The following PGBD5 variants were observed in gnomAD, a reference collection of about 807,000 sequenced individuals.
PGBD5 encodes piggyBac transposable element derived 5, also known as piggyBac transposable element-derived protein 5.
A neutral mutation model predicts 47.9 loss-of-function variants in PGBD5; 14 were observed. The observed-to-expected ratio is 0.29, with a 90% CI of 0.19 to 0.46. PGBD5 has a LOEUF of 0.46. PGBD5 is among the 20% of genes least tolerant of loss of function. PGBD5 has a pLI of 1.00. For missense variants in PGBD5, 635 were observed against 716.0 expected, an observed-to-expected ratio of 0.89 and a Z score of 1.29; for synonymous variants, 316 against 306.3, an observed-to-expected ratio of 1.03 and a Z score of -0.33.
chr1:230,401,872 C>T (rs1036138654), intron 1 of PGBD5, among the ~76,000 whole-genome samples: 2 of 152,182 alleles, frequency 1.3e-5, no homozygotes, highest in Non-Finnish European at 1.5e-5. Flanking sequence ...GCAAACGGGG[C>T]TGACATCCAC....
chr1:230,330,066 G>A (rs183564227), intron 5 of PGBD5, among the ~76,000 whole-genome samples: 186 of 152,286 alleles, frequency 1.2e-3, no homozygotes, highest in Admixed American at 2.1e-3. Context: ...TTCCTTTCAA[G>A]TGAATGAGAA....
chr1:230,329,208 C>T (rs1465223535), intron 5 of PGBD5, among the ~76,000 whole-genome samples: 1 of 152,082 alleles, frequency 6.6e-6, no homozygotes, highest in Admixed American at 6.6e-5. Context: ...AAGTGATCCT[C>T]CCAACTTGGC....
rs1047199696 is a variant in PGBD5 at position 230,357,771 on chromosome 1, C to A, written c.332-450G>T. On this transcript the variant is annotated intron_variant, in intron 1 of 6. Transcript: ENST00000391860. The surrounding 1 kb of genome is among the most constrained non-coding windows in gnomAD (Gnocchi z 5.7). The stretch of plus-strand genomic sequence containing the variant: ...AAGCCGAGTCTTAACTAGAGATGTA[C>A]ACACACACATAAATGTATATGTTTA... Among the ~76,000 whole-genome samples the A allele has an allele frequency of 1.3e-5, 2 of 152,114 alleles. No homozygotes were observed. The highest frequency in any genetic ancestry group is 1.3e-4 in the Admixed American group (2 of 15,284).
chr1:230,383,294 G>C (rs1205298039), intron 1 of PGBD5, among the ~76,000 whole-genome samples: 1 of 151,662 alleles, frequency 6.6e-6, no homozygotes, highest in East Asian at 1.9e-4. Flanking sequence ...GGCTGGTCTC[G>C]AACTACCGAG....
intron 3 of PGBD5, among the ~76,000 whole-genome samples, chr1:230,340,205 C>G (rs142163112): frequency 6.6e-6 from 1 of 152,118 alleles, no homozygotes; most frequent in African/African-American, 2.4e-5. Flanking sequence ...TCCAAGGTAA[C>G]AATCAGAAAT....
chr1:230,321,080 C>G lies in PGBD5; in HGVS notation c.*2345G>C, dbSNP rs1055955717. The G allele has an allele frequency of 2.0e-5, 3 of 152,160 alleles. No individual in the cohort carries two copies. The highest frequency in any genetic ancestry group is 2.9e-5 in the Non-Finnish European group (2 of 68,042). 9.4% of individuals were successfully genotyped at this position (152,160 alleles called of 1,614,324 possible). ...CTTCCTGCTCATCTGGAATGACACA[C>G]GACACAAACTAGAAGAAAAGAGGGA... On this transcript the variant is annotated 3_prime_UTR_variant, in exon 7 of 7. Transcript: ENST00000391860.
intron 5 of PGBD5, 24 bp from the exon 6 acceptor site, chr1:230,325,439 C>T (rs766074427): frequency 6.4e-7 from 1 of 1,563,180 alleles, no homozygotes; most frequent in Non-Finnish European, 8.8e-7. Context: ...ACAAGATAAG[C>T]CCCTTCCTCA....
chr1:230,416,771 C>G (rs1246027591), intron 1 of PGBD5, among the ~76,000 whole-genome samples: 6 of 152,146 alleles, frequency 3.9e-5, no homozygotes, highest in Non-Finnish European at 8.8e-5. Flanking sequence ...GATTTCCCTT[C>G]GGTTTGGATG....
intron 1 of PGBD5, among the ~76,000 whole-genome samples, chr1:230,370,456 T>C (rs1667912043): frequency 6.6e-6 from 1 of 152,236 alleles, no homozygotes; most frequent in Non-Finnish European, 1.5e-5. Flanking sequence ...ATTTATTTTG[T>C]AGAACCAACA....
At chr1:230,369,587 C>G (rs562192941) in intron 1 of PGBD5, among the ~76,000 whole-genome samples, 1 of 151,872 alleles carries the variant, frequency 6.6e-6, no homozygotes, top group Non-Finnish European at 1.5e-5. Flanking sequence ...GGCTCCATCT[C>G]TTCCCCCATC....
In PGBD5 at chr1:230,368,603, G is replaced by A. The variant is rs150893626; in HGVS notation, c.332-11282C>T. ...GATGATGACTCTTCAGGGCTTGAGC[G>A]TAGTCAGCAGCATCCCTGCAGCACA... On this transcript the variant is annotated intron_variant, in intron 1 of 6. Transcript: ENST00000391860. Among the ~76,000 whole-genome samples the A allele has an allele frequency of 4.2e-3, 639 of 152,356 alleles. 6 individuals carry two copies. The highest frequency in any genetic ancestry group is 0.014 in the African/African-American group (598 of 41,574).
chr1:230,329,761 C>T (rs1413490571), intron 5 of PGBD5, among the ~76,000 whole-genome samples: 1 of 152,224 alleles, frequency 6.6e-6, no homozygotes, highest in Non-Finnish European at 1.5e-5. Flanking sequence ...TGGGTCAACC[C>T]AGCCTGGCCA....
chr1:230,342,494 C>T (rs574258983), intron 3 of PGBD5, among the ~76,000 whole-genome samples: 8 of 152,216 alleles, frequency 5.3e-5, no homozygotes, highest in South Asian at 2.1e-4. Context: ...TCACTGAAGA[C>T]GCAGAATGAG....
intron 1 of PGBD5, among the ~76,000 whole-genome samples, chr1:230,396,455 T>C (rs113399480): frequency 1.2e-5 from 1 of 84,118 alleles, no homozygotes; most frequent in African/African-American, 4.8e-5. Context: ...TCTATCCTCC[T>C]CCCCCTCAAC....
chr1:230,375,847 C>T (rs1447489959), intron 1 of PGBD5, among the ~76,000 whole-genome samples: 2 of 151,666 alleles, frequency 1.3e-5, no homozygotes, highest in African/African-American at 4.8e-5. Flanking sequence ...TTAATCCTTC[C>T]ACCCTCCCAC....
intron 1 of PGBD5, among the ~76,000 whole-genome samples, chr1:230,408,473 T>C (rs953099054): frequency 1.8e-4 from 27 of 152,274 alleles, no homozygotes; most frequent in African/African-American, 5.3e-4. Context: ...CCTGGGGAAA[T>C]AGCATACTGT....
chr1:230,384,034 C>T (rs978344436), intron 1 of PGBD5, among the ~76,000 whole-genome samples: 1 of 152,150 alleles, frequency 6.6e-6, no homozygotes, highest in East Asian at 1.9e-4. Context: ...CGTCCAAGCA[C>T]AGTTGAAAAG....
chr1:230,412,718 A>C (rs1180759708), intron 1 of PGBD5, among the ~76,000 whole-genome samples: 1 of 152,056 alleles, frequency 6.6e-6, no homozygotes, highest in Non-Finnish European at 1.5e-5. Flanking sequence ...CATCATCTTC[A>C]CTGAGTAGGC....
At chr1:230,419,655 TG>T (rs1657604691) in intron 1 of PGBD5, among the ~76,000 whole-genome samples, 1 of 152,226 alleles carries the variant, frequency 6.6e-6, no homozygotes, top group African/African-American at 2.4e-5. Flanking sequence ...TTTGCTGCCT[TG>T]TAAGCAGGAT....
Sources: gnomAD v4.1 joint callset for allele counts (sites outside exome capture counted in the v4.1 genomes callset) on GRCh38, gnomAD v4.1.1 for gene constraint, Gnocchi (gnomAD v3.1) non-coding constraint, MANE v1.5 for transcripts, NCBI Gene and HGNC (gene_info 2026-07-23, HGNC 2026-07-21) for gene names.